ZBTB7C: variants seen among roughly 807,000 people sequenced by gnomAD.
ZBTB7C encodes the protein zinc finger and BTB domain-containing protein 7C.
In ZBTB7C, 8 loss-of-function variants were observed where a neutral mutation model predicts 25.7. The ratio of observed to expected loss-of-function variants is 0.31; its 90% CI spans 0.18 to 0.56. ZBTB7C has a LOEUF of 0.56. ZBTB7C is among the 20% of genes least tolerant of loss of function. ZBTB7C has a pLI of 0.91. For synonymous variants in ZBTB7C, 394 were observed against 369.0 expected (o/e 1.07, Z -0.78); for missense variants, 824 against 855.2 (o/e 0.96, Z 0.46).
chr18:48,041,536 T>G, intron 3 of ZBTB7C: 2 of 985,258 alleles, frequency 2.0e-6, no homozygotes, highest in Non-Finnish European at 2.4e-6. Context: ...CTCTCAGTGC[T>G]TCTGCTGAGA....
chr18:48,242,759 A>T (rs2144366775), intron 2 of ZBTB7C, among the ~76,000 whole-genome samples: 1 of 152,270 alleles, frequency 6.6e-6, no homozygotes, highest in East Asian at 1.9e-4. Context: ...ACAGGGAAAC[A>T]TTGAGACCAT....
chr18:48,043,083 T>TAAC (rs1247051074), intron 3 of ZBTB7C, among the ~76,000 whole-genome samples: 1 of 152,106 alleles, frequency 6.6e-6, no homozygotes, highest in Non-Finnish European at 1.5e-5. Context: ...AAAATACTGA[T>TAAC]AACACCGAAT....
Position 48,336,395 on chromosome 18 carries a change from C to T in ZBTB7C, c.-79+1779G>A, listed in dbSNP as rs150545061. ...CATGTACCGATCACTTATTATGGTGCCAGCTGCTGTCCTAAGTGTGTTACA... is the reference window on the plus strand; with the variant it reads ...CATGTACCGATCACTTATTATGGTGTCAGCTGCTGTCCTAAGTGTGTTACA... On this transcript the variant is annotated intron_variant, in intron 2 of 4. Transcript: ENST00000590800. Among the ~76,000 whole-genome samples, 5 of 152,328 alleles carry T rather than the reference C, an allele frequency of 3.3e-5. No homozygotes were observed. The East Asian group carries it at 9.6e-4, about 29-fold the overall frequency.
At chr18:48,108,927 A>G (rs1193607654) in intron 3 of ZBTB7C, among the ~76,000 whole-genome samples, 1 of 152,008 alleles carries the variant, frequency 6.6e-6, no homozygotes, top group Non-Finnish European at 1.5e-5. Context: ...ATGTCCTTGA[A>G]ACTGTATGAA....
intron 2 of ZBTB7C, among the ~76,000 whole-genome samples, chr18:48,231,728 C>T (rs1351783737): frequency 6.6e-6 from 1 of 152,066 alleles, no homozygotes; most frequent in Admixed American, 6.5e-5. Context: ...TTGCAGGCAC[C>T]AAAAAGGAGA....
At chr18:48,088,868 G>C (rs979562072) in intron 3 of ZBTB7C, among the ~76,000 whole-genome samples, 1 of 152,014 alleles carries the variant, frequency 6.6e-6, no homozygotes, top group Non-Finnish European at 1.5e-5. Context: ...GAAATTATGG[G>C]TGTGGACTTG....
intron 3 of ZBTB7C, among the ~76,000 whole-genome samples, chr18:48,109,050 G>A (rs1598893492): frequency 6.6e-6 from 1 of 152,104 alleles, no homozygotes; most frequent in East Asian, 1.9e-4. Flanking sequence ...ACTTCCTAGA[G>A]GAGGAGAGCT....
At chr18:48,057,182 T>C (rs2036952728) in intron 3 of ZBTB7C, among the ~76,000 whole-genome samples, 5 of 151,704 alleles carry the variant, frequency 3.3e-5, no homozygotes, top group Non-Finnish European at 7.4e-5. Context: ...ATTTCAAGTT[T>C]CATCTACCAG....
chr18:48,285,787 T>A (rs933427964), intron 2 of ZBTB7C, among the ~76,000 whole-genome samples: 9 of 152,246 alleles, frequency 5.9e-5, no homozygotes, highest in African/African-American at 2.2e-4. Flanking sequence ...GTTTTGGTTA[T>A]GACATCAGCT....
chr18:48,102,507 G>A (rs1435998526), intron 3 of ZBTB7C, among the ~76,000 whole-genome samples: 1 of 147,412 alleles, frequency 6.8e-6, no homozygotes, highest in African/African-American at 2.5e-5. Flanking sequence ...TGAAGTTGTA[G>A]TGAGCTGCAA....
chr18:48,404,829 T>G (rs977526152), intron 1 of ZBTB7C, among the ~76,000 whole-genome samples: 1 of 152,222 alleles, frequency 6.6e-6, no homozygotes, highest in Non-Finnish European at 1.5e-5. Context: ...ATGTTTTTCA[T>G]GTCCAGCCCT....
At chr18:48,328,816 A>C (rs533147092) in intron 2 of ZBTB7C, among the ~76,000 whole-genome samples, 13 of 151,784 alleles carry the variant, frequency 8.6e-5, no homozygotes, top group African/African-American at 2.7e-4. Context: ...CCGCCCCACA[A>C]AAAAAAAATT....
At chr18:48,175,502 T>A (rs1222133473) in intron 3 of ZBTB7C, among the ~76,000 whole-genome samples, 3 of 152,204 alleles carry the variant, frequency 2.0e-5, no homozygotes, top group Non-Finnish European at 4.4e-5. Context: ...AATATGTCAG[T>A]GTATGTGCAT....
At chr18:48,389,946 G>T (rs2047861088) in intron 1 of ZBTB7C, among the ~76,000 whole-genome samples, 1 of 152,142 alleles carries the variant, frequency 6.6e-6, no homozygotes, top group South Asian at 2.1e-4. Flanking sequence ...ATACTTAGCT[G>T]GTGTCAGAGG....
chr18:48,327,825 AAATT>A (rs1451676875), intron 2 of ZBTB7C, among the ~76,000 whole-genome samples: 3 of 151,946 alleles, frequency 2.0e-5, no homozygotes, highest in African/African-American at 7.3e-5. Flanking sequence ...ACATGAGGTT[AAATT>A]AATTGTCTGA....
intron 1 of ZBTB7C, among the ~76,000 whole-genome samples, chr18:48,404,739 T>C (rs1457154194): frequency 6.6e-6 from 1 of 152,204 alleles, no homozygotes; most frequent in African/African-American, 2.4e-5. Flanking sequence ...CACAGTGCCA[T>C]GGAGTACGGC....
intron 3 of ZBTB7C, among the ~76,000 whole-genome samples, chr18:48,095,835 T>G (rs1598869965): frequency 6.6e-6 from 1 of 152,242 alleles, no homozygotes; most frequent in African/African-American, 2.4e-5. Context: ...GGCCGTCTCC[T>G]ACCCTTGATT....
At chr18:48,125,505 G>A (rs961949179) in intron 3 of ZBTB7C, among the ~76,000 whole-genome samples, 2 of 152,244 alleles carry the variant, frequency 1.3e-5, no homozygotes, top group African/African-American at 4.8e-5. Context: ...CTGTGCCATG[G>A]TGTAAATGGC....
chr18:48,134,729 C>A (rs1227794494), intron 3 of ZBTB7C, among the ~76,000 whole-genome samples: 1 of 152,246 alleles, frequency 6.6e-6, no homozygotes, highest in African/African-American at 2.4e-5. Flanking sequence ...CCGGCCAGCA[C>A]TGATCCAGAG....
Sources: gnomAD v4.1 joint callset for allele counts (sites outside exome capture counted in the v4.1 genomes callset) on GRCh38, gnomAD v4.1.1 for gene constraint, MANE v1.5 for transcripts, NCBI Gene and HGNC (gene_info 2026-07-23, HGNC 2026-07-21) for gene names.